Variants in AUTS2 observed in about 807,000 individuals in gnomAD.
The protein encoded by AUTS2 is autism susceptibility gene 2 protein.
A neutral mutation model predicts 112.4 loss-of-function variants in AUTS2; 17 were observed. The ratio of observed to expected loss-of-function variants is 0.15; its 90% CI spans 0.10 to 0.23. The LOEUF (loss-of-function observed/expected upper bound fraction) is 0.23, where lower values mean the gene tolerates loss of function less well. Among genes scored for constraint, AUTS2 ranks in the 10% least tolerant of loss-of-function variants. The pLI is 1.00. For synonymous variants in AUTS2, 751 were observed against 702.7 expected, an observed-to-expected ratio of 1.07 and a Z score of -1.09; for missense variants, 1,510 against 1,701.6, an observed-to-expected ratio of 0.89 and a Z score of 1.98.
At chr7:70,672,981 T>C (rs550117133) in intron 5 of AUTS2, among the ~76,000 whole-genome samples, 2 of 152,234 alleles carry the variant, frequency 1.3e-5, no homozygotes, top group African/African-American at 2.4e-5. Context: ...AAGAATAAGA[T>C]AGAAAATGAG....
intron 1 of AUTS2, among the ~76,000 whole-genome samples, chr7:69,864,408 T>C (rs1347119790): frequency 2.6e-5 from 4 of 152,172 alleles, no homozygotes; most frequent in Non-Finnish European, 5.9e-5. Flanking sequence ...TTCCCTCTCC[T>C]TAATTTGTCA....
intron 2 of AUTS2, among the ~76,000 whole-genome samples, chr7:70,006,633 T>A (rs2129553643): frequency 6.6e-6 from 1 of 152,320 alleles, no homozygotes; most frequent in Non-Finnish European, 1.5e-5. Context: ...GTAAAAGAGC[T>A]TTGATAATCC....
chr7:70,161,363 C>G (rs1808067602), intron 4 of AUTS2, among the ~76,000 whole-genome samples: 1 of 151,654 alleles, frequency 6.6e-6, no homozygotes, highest in East Asian at 1.9e-4. Context: ...ATATGCGACA[C>G]TGGTCTCTAA....
chr7:69,975,792 A>G (rs540332772), intron 2 of AUTS2, among the ~76,000 whole-genome samples: 24 of 151,918 alleles, frequency 1.6e-4, no homozygotes, highest in Non-Finnish European at 2.8e-4. Flanking sequence ...GGTTCAAGCA[A>G]TTCTCGGGTC....
At chr7:70,100,368 G>T (rs1804418451) in intron 2 of AUTS2, among the ~76,000 whole-genome samples, 1 of 151,622 alleles carries the variant, frequency 6.6e-6, no homozygotes, top group Admixed American at 6.6e-5. Context: ...CCTTTTATTG[G>T]ATTATCCCCA....
At chr7:69,744,132 T>C (rs1787384588) in intron 1 of AUTS2, among the ~76,000 whole-genome samples, 1 of 152,174 alleles carries the variant, frequency 6.6e-6, no homozygotes, top group African/African-American at 2.4e-5. Flanking sequence ...TGTTGGCATG[T>C]ATCAGGAGGC....
In AUTS2 at chr7:70,129,900, A is replaced by T. The variant is rs1315838285; in HGVS notation, c.625-4636A>T. Among the ~76,000 whole-genome samples, 3 of 141,560 alleles carry T rather than the reference A, an allele frequency of 2.1e-5. No individual in the cohort carries two copies. In the East Asian group the frequency reaches 6.1e-4, roughly 29 times the overall value. The allele number at this position is 141,560 out of a possible 152,430, so 92.9% of individuals were successfully genotyped here. On this transcript the variant is annotated intron_variant, in intron 3 of 18. Coordinates refer to ENST00000342771, the MANE Select transcript of AUTS2 (RefSeq NM_015570.4). ...TTCTCAATCAAATATATATATATAT[A>T]TTGTGTGTGTGTGTGTGTGTGTGTG... is the stretch of plus-strand genomic sequence containing the variant.
intron 1 of AUTS2, among the ~76,000 whole-genome samples, chr7:69,780,018 A>G (rs1416346046): frequency 1.3e-5 from 2 of 151,916 alleles, no homozygotes; most frequent in African/African-American, 4.8e-5. Flanking sequence ...ACCATGCCCA[A>G]CTAAAATTTT....
intron 1 of AUTS2, among the ~76,000 whole-genome samples, chr7:69,876,029 A>G (rs1793720120): frequency 6.6e-6 from 1 of 152,026 alleles, no homozygotes; most frequent in South Asian, 2.1e-4. Flanking sequence ...AGTACAAATT[A>G]ACAAAACCAG....
chr7:70,256,936 T>G (rs1231382208), intron 4 of AUTS2, among the ~76,000 whole-genome samples: 1 of 152,194 alleles, frequency 6.6e-6, no homozygotes, highest in Non-Finnish European at 1.5e-5. Flanking sequence ...CTTTTTATTT[T>G]GTTCAGTGAA....
At chr7:70,595,094 C>T (rs537648995) in intron 5 of AUTS2, among the ~76,000 whole-genome samples, 1 of 132,158 alleles carries the variant, frequency 7.6e-6, no homozygotes, top group East Asian at 2.0e-4. Flanking sequence ...GTGAAACTGT[C>T]TCAAGAAAAA....
At chr7:70,611,784 T>A (rs1409786090) in intron 5 of AUTS2, among the ~76,000 whole-genome samples, 1 of 152,240 alleles carries the variant, frequency 6.6e-6, no homozygotes, top group African/African-American at 2.4e-5. Context: ...TAGAATGTAC[T>A]TATACTCACA....
intron 5 of AUTS2, among the ~76,000 whole-genome samples, chr7:70,511,873 G>A (rs1333625909): frequency 6.6e-6 from 1 of 151,846 alleles, no homozygotes; most frequent in Non-Finnish European, 1.5e-5. Flanking sequence ...CATCACATCC[G>A]GCCTGTCCTG....
chr7:70,006,476 A>G (rs1057123319), intron 2 of AUTS2, among the ~76,000 whole-genome samples: 9 of 152,282 alleles, frequency 5.9e-5, no homozygotes, highest in Admixed American at 4.6e-4. Context: ...ACACTGGAAC[A>G]TGGGCTGCAC....
At chr7:70,691,782 C>G (rs1808766144) in intron 5 of AUTS2, among the ~76,000 whole-genome samples, 1 of 152,022 alleles carries the variant, frequency 6.6e-6, no homozygotes. Context: ...TCCCAGGTTC[C>G]TCTTGATGAG....
intron 5 of AUTS2, among the ~76,000 whole-genome samples, chr7:70,678,995 A>G (rs931638280): frequency 2.0e-4 from 30 of 152,192 alleles, no homozygotes; most frequent in African/African-American, 6.3e-4. Context: ...GAAAGCTGGG[A>G]GAGTTTCCTT....
intron 1 of AUTS2, among the ~76,000 whole-genome samples, chr7:69,806,911 G>A (rs1238411041): frequency 6.6e-6 from 1 of 152,136 alleles, no homozygotes; most frequent in Non-Finnish European, 1.5e-5. Flanking sequence ...ATTTGGTCGC[G>A]GGAAAAGAGG....
At chr7:70,303,609 C>T (rs554703264) in intron 4 of AUTS2, among the ~76,000 whole-genome samples, 2 of 152,264 alleles carry the variant, frequency 1.3e-5, no homozygotes, top group Middle Eastern at 3.4e-3. Flanking sequence ...GCACTCTAAT[C>T]CCCTTGTGGG....
At chr7:70,102,694 A>G (rs988814790) in intron 2 of AUTS2, among the ~76,000 whole-genome samples, 11 of 152,138 alleles carry the variant, frequency 7.2e-5, no homozygotes, top group Admixed American at 5.2e-4. Flanking sequence ...CAGCAATTTC[A>G]TGGCACCTGT....
Sources: gnomAD v4.1 joint callset for allele counts (sites outside exome capture counted in the v4.1 genomes callset) on GRCh38, gnomAD v4.1.1 for gene constraint, MANE v1.5 for transcripts, NCBI Gene and HGNC (gene_info 2026-07-23, HGNC 2026-07-21) for gene names.